LY86: variants seen among roughly 807,000 people sequenced by gnomAD.
LY86 encodes the protein MD-1, RP105-associated.
Under a neutral mutation model 17.3 loss-of-function variants are expected in LY86, and 20 were observed. The ratio of observed to expected loss-of-function variants is 1.15; its 90% CI spans 0.81 to 1.68. The LOEUF (loss-of-function observed/expected upper bound fraction) is 1.68, where lower values mean the gene tolerates loss of function less well. LY86 is among the 40% of genes most tolerant of loss of function. The pLI is 0.00. For missense variants in LY86, 200 were observed against 191.9 expected (o/e 1.04, Z -0.25); for synonymous variants, 74 against 70.6 (o/e 1.05, Z -0.24).
Position 6,603,644 on chromosome 6 carries a change from CACACACACACAG to C in LY86, c.136+14776_136+14787del, listed in dbSNP as rs1339338693. ...CAAAAAAAAACAAAACACACACACA[CACACACACACAG>C]AGTGGAAAACCAACAGTGAAGTTGT... On this transcript the variant is annotated intron_variant, in intron 1 of 4. Coordinates refer to ENST00000230568, the MANE Select transcript of LY86 (RefSeq NM_004271.4). Among the ~76,000 whole-genome samples the C allele has an allele frequency of 7.3e-5, 10 of 137,036 alleles. No homozygotes were observed. The South Asian group carries it at 1.9e-3, about 26-fold the overall frequency. 89.9% of individuals were successfully genotyped at this position (137,036 alleles called of 152,430 possible).
intron 1 of LY86, among the ~76,000 whole-genome samples, chr6:6,593,875 T>C (rs191931892): frequency 9.4e-4 from 143 of 152,304 alleles, no homozygotes; most frequent in Non-Finnish European, 1.7e-3. Flanking sequence ...AGATACATTC[T>C]GCAAAGGGCC....
chr6:6,631,612 C>T (rs1417862703), intron 3 of LY86, among the ~76,000 whole-genome samples: 1 of 152,202 alleles, frequency 6.6e-6, no homozygotes, highest in African/African-American at 2.4e-5. Context: ...CCTACCCAGA[C>T]GTACTGAATC....
At position 6,616,989 on chromosome 6, in the gene LY86, G is replaced by A. The variant is rs192390957; in HGVS notation, c.137-7937G>A. Among the ~76,000 whole-genome samples the A allele has an allele frequency of 3.3e-3, 496 of 152,340 alleles. 9 individuals carry two copies. Among genetic ancestry groups the A allele is most frequent in the Admixed American group, 0.03 (465 of 15,298 alleles). The stretch of plus-strand genomic sequence containing the variant: ...AGCCAGGCTCTCCCTTAGAAGGAGT[G>A]GTGAAATCCACATTGGCAGCGGAGA... On this transcript the variant is annotated intron_variant, in intron 1 of 4. Coordinates refer to ENST00000230568, the MANE Select transcript of LY86 (RefSeq NM_004271.4).
At chr6:6,612,516 C>T (rs1160270217) in intron 1 of LY86, among the ~76,000 whole-genome samples, 2 of 150,794 alleles carry the variant, frequency 1.3e-5, no homozygotes, top group African/African-American at 4.9e-5. Context: ...CTGCAAAAAG[C>T]AAAAGAACAA....
Position 6,625,109 on chromosome 6 carries a change from A to T in LY86, c.223+97A>T. 4 of 579,286 alleles carry T rather than the reference A, an allele frequency of 6.9e-6. No individual in the cohort carries two copies. The South Asian group carries it at 8.4e-5, about 12-fold the overall frequency. 35.9% of individuals were successfully genotyped at this position (579,286 alleles called of 1,614,324 possible). On this transcript the variant is annotated intron_variant, in intron 2 of 4. Coordinates refer to ENST00000230568, the MANE Select transcript of LY86 (RefSeq NM_004271.4). The stretch of plus-strand genomic sequence containing the variant: ...TTATGTTAACTGTAATGACTGGCTA[A>T]ACTACTGTTCCCTCACCACTCTCTG...
chr6:6,650,081 C>T (rs1762164226), intron 4 of LY86, among the ~76,000 whole-genome samples: 1 of 152,014 alleles, frequency 6.6e-6, no homozygotes, highest in Non-Finnish European at 1.5e-5. Flanking sequence ...AGGAGGCTGG[C>T]GGTTCAGAGA....
At chr6:6,605,955 A>G (rs1331776415) in intron 1 of LY86, among the ~76,000 whole-genome samples, 1 of 152,040 alleles carries the variant, frequency 6.6e-6, no homozygotes, top group African/African-American at 2.4e-5. Flanking sequence ...AACTCATAAA[A>G]GAAGCGTGGA....
intron 1 of LY86, among the ~76,000 whole-genome samples, chr6:6,594,930 C>A (rs1760651508): frequency 6.6e-6 from 1 of 152,152 alleles, no homozygotes; most frequent in Non-Finnish European, 1.5e-5. Context: ...TTACTGCATG[C>A]TCAGTGACAT....
chr6:6,596,265 A>T (rs1484265271), intron 1 of LY86, among the ~76,000 whole-genome samples: 1 of 152,214 alleles, frequency 6.6e-6, no homozygotes. Flanking sequence ...AACCAACAGG[A>T]TATATTGATA....
At chr6:6,623,480 C>T (rs982218127) in intron 1 of LY86, among the ~76,000 whole-genome samples, 2 of 152,164 alleles carry the variant, frequency 1.3e-5, no homozygotes, top group South Asian at 2.1e-4. Context: ...GTCCCTTCTT[C>T]GACTCCAGCC....
intron 4 of LY86, among the ~76,000 whole-genome samples, chr6:6,653,266 T>C (rs1016927967): frequency 6.6e-6 from 1 of 152,180 alleles, no homozygotes; most frequent in Non-Finnish European, 1.5e-5. Context: ...CCACCTTTCA[T>C]GCAGCTTCTC....
chr6:6,643,593 T>TG (rs1274518623), intron 3 of LY86, among the ~76,000 whole-genome samples: 2 of 152,240 alleles, frequency 1.3e-5, no homozygotes, highest in African/African-American at 2.4e-5. Flanking sequence ...TACAGCACAG[T>TG]GACTACTGTT....
At chr6:6,606,520 G>C (rs951777650) in intron 1 of LY86, among the ~76,000 whole-genome samples, 8 of 152,192 alleles carry the variant, frequency 5.3e-5, no homozygotes, top group African/African-American at 1.7e-4. Flanking sequence ...CCGTGTAGCA[G>C]GGGGCGGCGC....
At chr6:6,617,847 G>T (rs978271580) in intron 1 of LY86, among the ~76,000 whole-genome samples, 74 of 152,100 alleles carry the variant, frequency 4.9e-4, no homozygotes, top group Non-Finnish European at 9.0e-4. Flanking sequence ...TTGTTTGTTT[G>T]TTTGTTTTCT....
At chr6:6,653,487 G>A (rs889863175) in intron 4 of LY86, among the ~76,000 whole-genome samples, 1 of 152,148 alleles carries the variant, frequency 6.6e-6, no homozygotes, top group East Asian at 1.9e-4. Context: ...TGGCTGCTGG[G>A]GTGCAGGACT....
intron 1 of LY86, among the ~76,000 whole-genome samples, chr6:6,613,743 C>T (rs1021832604): frequency 2.1e-4 from 32 of 152,338 alleles, no homozygotes; most frequent in East Asian, 3.9e-4. Flanking sequence ...CCAGAGTGGG[C>T]GCCAAGGCCG....
chr6:6,624,997 T>A lies in LY86; in HGVS notation c.208T>A (p.Phe70Ile). Residue 70 changes from phenylalanine (F) to isoleucine (I), a missense_variant, in exon 2 of 5, where the codon TTT (phenylalanine) becomes ATT (isoleucine). Coordinates refer to ENST00000230568, the MANE Select transcript of LY86 (RefSeq NM_004271.4). ...ATTAAAATCAAATATCAACATTAGA[T>A]TTGGAATTATTCTGAGTAAGTAAAA... Reference protein sequence around the residue: ...KQLKSNINIRFGIILREDIKE... With the variant: ...KQLKSNINIRIGIILREDIKE... 1 of 1,507,158 alleles carries A rather than the reference T, an allele frequency of 6.6e-7. No individual in the cohort carries two copies. The allele number at this position is 1,507,158 out of a possible 1,614,324, so 93.4% of individuals were successfully genotyped here.
At chr6:6,652,574 G>A (rs3789767) in intron 4 of LY86, among the ~76,000 whole-genome samples, 12,371 of 152,202 alleles carry the variant, frequency 0.081, 547 homozygotes, top group Middle Eastern at 0.13. Flanking sequence ...AAATTTAGGG[G>A]ATCCTTTGGG....
intron 1 of LY86, among the ~76,000 whole-genome samples, chr6:6,622,957 T>C (rs1761712781): frequency 6.6e-6 from 1 of 152,256 alleles, no homozygotes; most frequent in African/African-American, 2.4e-5. Flanking sequence ...GCTTTGAATC[T>C]TGACTCTGAC....
Sources: gnomAD v4.1 joint callset for allele counts (sites outside exome capture counted in the v4.1 genomes callset) on GRCh38, gnomAD v4.1.1 for gene constraint, MANE v1.5 for transcripts, NCBI Gene and HGNC (gene_info 2026-07-23, HGNC 2026-07-21) for gene names.